The following MSRA variants were observed in gnomAD, a reference collection of about 807,000 sequenced individuals.
MSRA encodes the protein methionine sulfoxide reductase A.
A neutral mutation model predicts 31.3 loss-of-function variants in MSRA; 54 were observed. That is an observed-to-expected ratio of 1.73 (90% CI 1.39 to 2.17). MSRA has a LOEUF of 2.17. MSRA is among the 30% of genes most tolerant of loss of function. The pLI, the probability that MSRA is intolerant of heterozygous loss-of-function variation, is 0.00. For synonymous variants in MSRA, 169 were observed against 116.5 expected (o/e 1.45, Z -2.90); for missense variants, 507 against 300.9 (o/e 1.69, Z -5.07).
At chr8:10,077,304 C>G (rs1397441417) in intron 1 of MSRA, among the ~76,000 whole-genome samples, 4 of 152,050 alleles carry the variant, frequency 2.6e-5, no homozygotes, top group Non-Finnish European at 4.4e-5. Flanking sequence ...TCTCTTTCAA[C>G]AGCTTGGCTG....
chr8:10,405,893 C>T (rs1420485098), intron 5 of MSRA, among the ~76,000 whole-genome samples: 4 of 152,218 alleles, frequency 2.6e-5, no homozygotes, highest in African/African-American at 4.8e-5. Context: ...CACATGTTCA[C>T]ATACACGCTG....
chr8:10,231,596 G>T (rs1430541791), intron 2 of MSRA, among the ~76,000 whole-genome samples: 3 of 152,208 alleles, frequency 2.0e-5, no homozygotes, highest in African/African-American at 7.2e-5. Flanking sequence ...TATATAGAAA[G>T]AGGCTGCTCT....
intron 1 of MSRA, among the ~76,000 whole-genome samples, chr8:10,059,821 A>G (rs1802606263): frequency 6.6e-6 from 1 of 152,376 alleles, no homozygotes; most frequent in Admixed American, 6.5e-5. Flanking sequence ...GGTAGACGTT[A>G]GGTTATGAAC....
intron 1 of MSRA, among the ~76,000 whole-genome samples, chr8:10,079,726 C>T (rs1367603299): frequency 6.6e-6 from 1 of 152,096 alleles, no homozygotes; most frequent in African/African-American, 2.4e-5. Context: ...CCAGTCATGC[C>T]CATAAGCCAC....
intron 3 of MSRA, among the ~76,000 whole-genome samples, chr8:10,245,722 A>G (rs1174788260): frequency 6.6e-6 from 1 of 152,204 alleles, no homozygotes; most frequent in Non-Finnish European, 1.5e-5. Context: ...GCCTGAGCTA[A>G]TTCACATGGT....
At chr8:10,300,635 C>T (rs1260959155) in intron 3 of MSRA, among the ~76,000 whole-genome samples, 1 of 152,186 alleles carries the variant, frequency 6.6e-6, no homozygotes, top group African/African-American at 2.4e-5. Context: ...GATGCACCCT[C>T]CTCGGCCTCT....
chr8:10,320,011 G>T (rs1801957724), intron 5 of MSRA, 22 bp downstream of exon 5: 2 of 1,554,802 alleles, frequency 1.3e-6, no homozygotes, highest in Admixed American at 3.6e-5. Context: ...TGGGCTCCTA[G>T]CCCCTGGCTT....
chr8:10,283,516 G>A (rs1799746865), intron 3 of MSRA, among the ~76,000 whole-genome samples: 1 of 151,690 alleles, frequency 6.6e-6, no homozygotes, highest in Non-Finnish European at 1.5e-5. Flanking sequence ...GTGGTGATTT[G>A]TGAGATTTTG....
rs574394168 is a variant in MSRA, at chr8:10,355,046, A to G, written c.543+35057A>G. Among the ~76,000 whole-genome samples, 29 of 152,312 alleles carry G rather than the reference A, an allele frequency of 1.9e-4. No individual in the cohort carries two copies. The East Asian group carries it at 5.0e-3, about 26-fold the overall frequency. On this transcript the variant is annotated intron_variant, in intron 5 of 5. Coordinates refer to ENST00000317173, the MANE Select transcript of MSRA (RefSeq NM_012331.5). ...ATGGCTTTTGATTTGTGTCAGTAGC[A>G]TAATGTATTTTCTTCACTGGCATTT...
chr8:10,168,460 A>G (rs960061045), intron 1 of MSRA, among the ~76,000 whole-genome samples: 1 of 152,210 alleles, frequency 6.6e-6, no homozygotes, highest in African/African-American at 2.4e-5. Flanking sequence ...GCAGCCTGGC[A>G]CACAAATAAT....
intron 5 of MSRA, among the ~76,000 whole-genome samples, chr8:10,364,098 CT>C (rs781582261): frequency 3.3e-5 from 5 of 152,160 alleles, no homozygotes; most frequent in Non-Finnish European, 7.3e-5. Flanking sequence ...CCTAGAGACC[CT>C]TTGCTCATTA....
chr8:10,258,528 C>T (rs1396918318), intron 3 of MSRA, among the ~76,000 whole-genome samples: 1 of 152,194 alleles, frequency 6.6e-6, no homozygotes, highest in Non-Finnish European at 1.5e-5. Flanking sequence ...GCCGAGTTGT[C>T]ACATCCCCTC....
At chr8:10,311,768 C>G (rs561962957) in intron 4 of MSRA, among the ~76,000 whole-genome samples, 50 of 152,086 alleles carry the variant, frequency 3.3e-4, no homozygotes, top group African/African-American at 1.2e-3. Flanking sequence ...TTCAAAAAAA[C>G]TAGCTGGGCA....
intron 1 of MSRA, among the ~76,000 whole-genome samples, chr8:10,181,704 C>T (rs543753258): frequency 1.3e-5 from 2 of 152,244 alleles, no homozygotes; most frequent in East Asian, 3.9e-4. Flanking sequence ...AATAGATGAA[C>T]TTGCTGGGTC....
At chr8:10,172,616 G>A (rs10109539) in intron 1 of MSRA, among the ~76,000 whole-genome samples, 1,915 of 152,208 alleles carry the variant, frequency 0.013, 38 homozygotes, top group African/African-American at 0.044. Context: ...TCTTAAGGGG[G>A]CAAAAGAAAT....
At chr8:10,420,900 A>AG (rs1039470956) in intron 5 of MSRA, among the ~76,000 whole-genome samples, 45 of 151,312 alleles carry the variant, frequency 3.0e-4, no homozygotes, top group African/African-American at 1.1e-3. Context: ...CTTAAAAAAA[A>AG]AAAGGAGAAT....
intron 1 of MSRA, among the ~76,000 whole-genome samples, chr8:10,163,814 G>A (rs117383343): frequency 0.012 from 1,865 of 152,336 alleles, 16 homozygotes; most frequent in Non-Finnish European, 0.02. Flanking sequence ...GATGGACACC[G>A]CATGCTGGTG....
chr8:10,387,143 G>A lies in MSRA; in HGVS notation c.544-41005G>A, dbSNP rs191728077. 2.6e-3 allele frequency among the ~76,000 whole-genome samples: 390 copies of A among 152,264 alleles called. 3 individuals are homozygous for A. The highest frequency in any genetic ancestry group is 8.2e-3 in the African/African-American group (342 of 41,556). On this transcript the variant is annotated intron_variant, in intron 5 of 5. Transcript: ENST00000317173. Reference sequence around the variant, plus strand: ...GGCTCGACCACACTTCCAGTAGTGAGGCTAGAGGATCCGTGACTGCACTGC... The same window carrying A: ...GGCTCGACCACACTTCCAGTAGTGAAGCTAGAGGATCCGTGACTGCACTGC...
In MSRA at chr8:10,223,532, C is replaced by A. The variant is rs74507971; in HGVS notation, c.211+15631C>A. 1.1e-4 allele frequency among the ~76,000 whole-genome samples: 17 copies of A among 152,250 alleles called. No homozygotes were observed. The East Asian group carries it at 2.7e-3, about 24-fold the overall frequency. ...GGGCTTCAGTCAGTGAATTTGAAGA[C>A]AGGTCAGTAGAAATTCTCCAAACTG... On this transcript the variant is annotated intron_variant, in intron 2 of 5. Coordinates refer to ENST00000317173, the MANE Select transcript of MSRA (RefSeq NM_012331.5).
Sources: gnomAD v4.1 joint callset for allele counts (sites outside exome capture counted in the v4.1 genomes callset) on GRCh38, gnomAD v4.1.1 for gene constraint, MANE v1.5 for transcripts, NCBI Gene and HGNC (gene_info 2026-07-23, HGNC 2026-07-21) for gene names.